DPP10: variants seen among roughly 807,000 people sequenced by gnomAD.
DPP10 encodes the protein inactive dipeptidyl peptidase 10.
Under a neutral mutation model 120.9 loss-of-function variants are expected in DPP10, and 33 were observed. The ratio of observed to expected loss-of-function variants is 0.27; its 90% confidence interval spans 0.21 to 0.37. DPP10 has a LOEUF of 0.37. DPP10 is among the 10% of genes least tolerant of loss of function. The probability of loss-of-function intolerance (pLI) is 1.00; values close to 1 mark genes in which losing one functional copy is unlikely to be tolerated. For missense variants in DPP10, 816 were observed against 942.8 expected, an observed-to-expected ratio of 0.87 and a Z score of 1.76; for synonymous variants, 337 against 326.1, an observed-to-expected ratio of 1.03 and a Z score of -0.36.
chr2:115,531,204 GC>G (rs2078445427), intron 5 of DPP10, among the ~76,000 whole-genome samples: 1 of 150,120 alleles, frequency 6.7e-6, no homozygotes. Context: ...CAGCATAGCA[GC>G]ATCAGCATAG....
chr2:115,021,304 A>C (rs1703058417), intron 1 of DPP10, among the ~76,000 whole-genome samples: 1 of 152,192 alleles, frequency 6.6e-6, no homozygotes, highest in South Asian at 2.1e-4. Context: ...GAGAAGATTC[A>C]AATAAACTGA....
chr2:115,087,001 T>C (rs1165919805), intron 1 of DPP10, among the ~76,000 whole-genome samples: 7 of 152,200 alleles, frequency 4.6e-5, no homozygotes, highest in African/African-American at 1.7e-4. Flanking sequence ...GAGCAAACAG[T>C]GCAGAGTGTG....
intron 3 of DPP10, among the ~76,000 whole-genome samples, chr2:115,397,228 T>G (rs572306267): frequency 6.6e-6 from 1 of 152,204 alleles, no homozygotes; most frequent in African/African-American, 2.4e-5. Flanking sequence ...CATGTTTGAG[T>G]TGGGTGATGT....
chr2:115,691,742 A>G (rs1248066112), intron 7 of DPP10, among the ~76,000 whole-genome samples: 1 of 152,132 alleles, frequency 6.6e-6, no homozygotes, highest in Admixed American at 6.6e-5. Flanking sequence ...ATTTGAATCT[A>G]TATGTCTATT....
At chr2:115,754,949 A>G (rs1009848864) in intron 11 of DPP10, among the ~76,000 whole-genome samples, 3 of 152,116 alleles carry the variant, frequency 2.0e-5, no homozygotes, top group African/African-American at 7.2e-5. Context: ...AAAAAATTAA[A>G]AATCAAGGTA....
rs574882039 is a variant in DPP10, at chr2:115,825,800, C to T, written c.1950+10071C>T. Among the ~76,000 whole-genome samples the T allele has an allele frequency of 1.1e-4, 16 of 152,272 alleles. No homozygotes were observed. The East Asian group carries it at 2.9e-3, about 28-fold the overall frequency. ...TTGGCTATGCCATAAGACAAAATTACAACATCTTAGTCTAAAAATCTTAAT... is the reference window on the plus strand; with the variant it reads ...TTGGCTATGCCATAAGACAAAATTATAACATCTTAGTCTAAAAATCTTAAT... On this transcript the variant is annotated intron_variant, in intron 21 of 25. Transcript: ENST00000410059.
At chr2:115,382,574 C>G (rs1387420063) in intron 3 of DPP10, among the ~76,000 whole-genome samples, 1 of 151,918 alleles carries the variant, frequency 6.6e-6, no homozygotes, top group African/African-American at 2.4e-5. Context: ...CGGCCATCTT[C>G]TAATAGTCTC....
intron 1 of DPP10, among the ~76,000 whole-genome samples, chr2:114,745,026 C>T (rs1049570794): frequency 3.3e-5 from 5 of 152,020 alleles, no homozygotes; most frequent in African/African-American, 1.2e-4. Flanking sequence ...TCCCAAAGTG[C>T]TTGGATGACA....
intron 1 of DPP10, among the ~76,000 whole-genome samples, chr2:114,956,851 C>T (rs1166653929): frequency 6.6e-6 from 1 of 151,956 alleles, no homozygotes; most frequent in African/African-American, 2.4e-5. Flanking sequence ...GGAGAAAAGA[C>T]AGTCTCTTCA....
At chr2:115,674,575 T>C (rs1172127054) in intron 5 of DPP10, among the ~76,000 whole-genome samples, 1 of 152,146 alleles carries the variant, frequency 6.6e-6, no homozygotes, top group African/African-American at 2.4e-5. Flanking sequence ...GTGTTTGGCA[T>C]TTTCAAGGCT....
At chr2:115,486,972 T>G (rs1034097452) in intron 3 of DPP10, among the ~76,000 whole-genome samples, 3 of 152,158 alleles carry the variant, frequency 2.0e-5, no homozygotes, top group Admixed American at 2.0e-4. Flanking sequence ...ACAATTATGA[T>G]GACTTTTAAA....
chr2:114,726,844 A>T (rs1676366852), intron 1 of DPP10, among the ~76,000 whole-genome samples: 1 of 152,216 alleles, frequency 6.6e-6, no homozygotes, highest in Admixed American at 6.5e-5. Flanking sequence ...GTGCTCAAAG[A>T]TCAAAGTATG....
chr2:115,830,095 C>T (rs958113028), intron 21 of DPP10, among the ~76,000 whole-genome samples: 3 of 152,150 alleles, frequency 2.0e-5, no homozygotes, highest in South Asian at 2.1e-4. Context: ...GTGGCTCATG[C>T]GTGTAATCCC....
At chr2:115,425,220 A>C (rs1456630443) in intron 3 of DPP10, among the ~76,000 whole-genome samples, 1 of 152,152 alleles carries the variant, frequency 6.6e-6, no homozygotes, top group Non-Finnish European at 1.5e-5. Flanking sequence ...GCCAACTTGC[A>C]TGAGGTGGCA....
chr2:115,648,276 G>A (rs1392126839), intron 5 of DPP10, among the ~76,000 whole-genome samples: 5 of 151,982 alleles, frequency 3.3e-5, no homozygotes, highest in Admixed American at 2.0e-4. Flanking sequence ...TCAGGGTGGG[G>A]GCATTGGTGC....
chr2:114,836,422 G>T (rs568682155), intron 1 of DPP10, among the ~76,000 whole-genome samples: 2 of 152,070 alleles, frequency 1.3e-5, no homozygotes, highest in African/African-American at 4.8e-5. Context: ...ATCACATTTC[G>T]GGAGGTTCTG....
chr2:114,866,859 G>A (rs553073431), intron 1 of DPP10, among the ~76,000 whole-genome samples: 10 of 152,186 alleles, frequency 6.6e-5, no homozygotes, highest in Admixed American at 1.3e-4. Flanking sequence ...ACCCCCTCAA[G>A]TATATCTAAG....
chr2:115,331,033 C>T (rs185511612), intron 2 of DPP10, among the ~76,000 whole-genome samples: 149 of 152,210 alleles, frequency 9.8e-4, no homozygotes, highest in African/African-American at 3.2e-3. Flanking sequence ...GCCATTTTCA[C>T]GATATTGATT....
At chr2:114,573,439 G>A (rs1689808256) in intron 1 of DPP10, among the ~76,000 whole-genome samples, 2 of 152,170 alleles carry the variant, frequency 1.3e-5, no homozygotes, top group South Asian at 4.1e-4. Context: ...AAGGGGATTT[G>A]GAAAGATGAT....
Sources: allele counts gnomAD v4.1 joint callset (sites outside exome capture counted in the v4.1 genomes callset), GRCh38; gene constraint gnomAD v4.1.1; transcripts MANE v1.5; gene names NCBI Gene and HGNC (gene_info 2026-07-23, HGNC 2026-07-21).